The following ATP8A2 variants were observed in gnomAD, a reference collection of about 807,000 sequenced individuals.
The protein encoded by ATP8A2 is ATPase phospholipid transporting 8A2.
In ATP8A2, 100 loss-of-function variants were observed where a neutral mutation model predicts 165.6. The ratio of observed to expected loss-of-function variants is 0.60; its 90% CI spans 0.51 to 0.71. The LOEUF is 0.71. Ranked by LOEUF, ATP8A2 falls within the 30% of genes least tolerant of loss-of-function variation. The pLI is 0.00. For synonymous variants in ATP8A2, 543 were observed against 548.8 expected (o/e 0.99, Z 0.15); for missense variants, 1,227 against 1,479.5 (o/e 0.83, Z 2.80).
intron 24 of ATP8A2, among the ~76,000 whole-genome samples, chr13:25,635,016 A>G (rs1018711891): frequency 6.6e-6 from 1 of 152,194 alleles, no homozygotes; most frequent in African/African-American, 2.4e-5. Flanking sequence ...AATTTTAAAA[A>G]GTAAAGGGGA....
chr13:25,652,075 A>G (rs1414199741), intron 24 of ATP8A2, among the ~76,000 whole-genome samples: 1 of 152,178 alleles, frequency 6.6e-6, no homozygotes, highest in African/African-American at 2.4e-5. Context: ...TTCCAGCTTT[A>G]TGATAGAATC....
intron 27 of ATP8A2, among the ~76,000 whole-genome samples, chr13:25,793,689 T>C (rs1455702230): frequency 6.6e-6 from 1 of 152,004 alleles, no homozygotes; most frequent in African/African-American, 2.4e-5. Context: ...TGGAAAAAAC[T>C]GTTGTTGGTA....
At chr13:25,961,470 C>A in intron 33 of ATP8A2, 105 bp from the exon 34 acceptor site, 1 of 917,470 alleles carries the variant, frequency 1.1e-6, no homozygotes, top group Non-Finnish European at 1.7e-6. Context: ...GCATTTAGTG[C>A]GGTCTGTTGT....
intron 24 of ATP8A2, among the ~76,000 whole-genome samples, chr13:25,635,062 A>G (rs1356033202): frequency 2.0e-5 from 3 of 152,188 alleles, no homozygotes; most frequent in Non-Finnish European, 4.4e-5. Flanking sequence ...GTGCTGTTTC[A>G]GTGTCAGCAC....
intron 28 of ATP8A2, among the ~76,000 whole-genome samples, chr13:25,835,322 T>C (rs530039318): frequency 7.2e-5 from 11 of 152,160 alleles, no homozygotes; most frequent in African/African-American, 2.4e-4. Context: ...CTCCTTGAAG[T>C]CTTTGTAGCA....
intron 24 of ATP8A2, among the ~76,000 whole-genome samples, chr13:25,602,005 AT>A (rs199824290): frequency 0.015 from 2,209 of 151,112 alleles, 24 homozygotes; most frequent in Non-Finnish European, 0.02. Context: ...GAAACTTTCT[AT>A]TTTTTTTTCC....
At chr13:25,625,289 A>G (rs1440465996) in intron 24 of ATP8A2, among the ~76,000 whole-genome samples, 1 of 152,232 alleles carries the variant, frequency 6.6e-6, no homozygotes, top group Non-Finnish European at 1.5e-5. Context: ...GAACAAATGC[A>G]GTTTTTGAAA....
At chr13:25,634,154 G>A (rs59586132) in intron 24 of ATP8A2, among the ~76,000 whole-genome samples, 5,262 of 152,192 alleles carry the variant, frequency 0.035, 155 homozygotes, top group East Asian at 0.13. Context: ...ACTCAGTCAA[G>A]CTTGACACAG....
intron 2 of ATP8A2, among the ~76,000 whole-genome samples, chr13:25,489,577 C>T (rs781426992): frequency 3.4e-4 from 52 of 152,106 alleles, no homozygotes; most frequent in South Asian, 1.2e-3. Flanking sequence ...TGTTTCCCCT[C>T]GCATCCTCCC....
Position 25,866,549 on chromosome 13 carries a change from CTGG to C in ATP8A2, c.3183+4142_3183+4144del, listed in dbSNP as rs1183799362. ...TATTGACCACCTGCATCCAAATCAT[CTGG>C]GTTGCTTGTCAAAATGACAACCCCC... On this transcript the variant is annotated intron_variant, in intron 33 of 36. Transcript: ENST00000381655. Among the ~76,000 whole-genome samples, 15 of 152,150 alleles carry C rather than the reference CTGG, an allele frequency of 9.9e-5. No individual in the cohort carries two copies. In the South Asian group the frequency reaches 1.7e-3, roughly 17 times the overall value.
In ATP8A2 at chr13:25,699,403, A is replaced by G. The variant is rs1398010160; in HGVS notation, c.2384+58A>G. On this transcript the variant is annotated intron_variant, in intron 25 of 36. Transcript: ENST00000381655. ...TCTGCTGTGTCTGTATCCCGTGCTT[A>G]TACAAAAGAAAGGGATGCATGGGAA... The G allele has an allele frequency of 4.7e-6, 6 of 1,284,670 alleles. No individual in the cohort carries two copies. In the East Asian group the frequency reaches 1.6e-4, roughly 34 times the overall value. 79.6% of individuals were successfully genotyped at this position (1,284,670 alleles called of 1,614,324 possible). A position where few individuals can be genotyped will look rare whatever the true frequency, so the allele number is the denominator to read the frequency against.
intron 27 of ATP8A2, among the ~76,000 whole-genome samples, chr13:25,813,919 A>G (rs76566399): frequency 0.022 from 3,276 of 152,276 alleles, 109 homozygotes; most frequent in African/African-American, 0.075. Context: ...CCTCCTGCCT[A>G]GCTGCCTTCA....
Position 25,828,341 on chromosome 13 carries a change from G to A in ATP8A2, c.2754+149G>A, listed in dbSNP as rs1285971602. 5.7e-6 allele frequency: 4 copies of A among 706,338 alleles called. No individual in the cohort carries two copies. The Admixed American group carries it at 7.2e-5, about 13-fold the overall frequency. 43.8% of individuals were successfully genotyped at this position (706,338 alleles called of 1,614,324 possible). On this transcript the variant is annotated intron_variant, in intron 28 of 36. Coordinates refer to ENST00000381655, the MANE Select transcript of ATP8A2 (RefSeq NM_016529.6). ...ATACATCTTTGGGCCCTTTGTTGCT[G>A]TGAAACATCCTGCAGAAGCCCAAAC... is the stretch of plus-strand genomic sequence containing the variant.
chr13:25,979,634 G>A (rs1473726028), intron 35 of ATP8A2, among the ~76,000 whole-genome samples: 2 of 152,188 alleles, frequency 1.3e-5, no homozygotes, highest in African/African-American at 2.4e-5. Context: ...AATGTGGGGC[G>A]AGTCATTTAT....
At chr13:25,490,733 T>TTTTGTTTG (rs1205914598) in intron 2 of ATP8A2, among the ~76,000 whole-genome samples, 163 of 136,106 alleles carry the variant, frequency 1.2e-3, no homozygotes, top group African/African-American at 4.5e-3. Flanking sequence ...TTTGTTTTTT[T>TTTTGTTTG]TTTGTTTGTT....
chr13:25,951,014 C>T (rs578112617), intron 33 of ATP8A2, among the ~76,000 whole-genome samples: 17 of 152,112 alleles, frequency 1.1e-4, no homozygotes, highest in East Asian at 1.9e-4. Flanking sequence ...GTGGAGCAAC[C>T]GGAATGCGCC....
In ATP8A2 at chr13:25,564,013, G is replaced by C; in HGVS notation, c.1455G>C (p.Lys485Asn). The C allele has an allele frequency of 2.5e-6, 4 of 1,612,832 alleles. No homozygotes were observed. Among genetic ancestry groups the C allele is most frequent in the Non-Finnish European group, 3.4e-6 (4 of 1,178,864 alleles). Residue 485 changes from lysine to asparagine, a missense_variant, in exon 16 of 37, where the codon AAG (lysine) becomes AAC (asparagine). This residue lies in a region of ATP8A2 where 592 missense variants were observed against 785.6 expected (regional missense o/e 0.75). Transcript: ENST00000381655. Reference sequence around the variant, plus strand: ...ACTTTGATGACCCCAGGCTGTTGAAGAACATTGAGGATCGCCATGTAAGTG... The same window carrying C: ...ACTTTGATGACCCCAGGCTGTTGAACAACATTGAGGATCGCCATGTAAGTG... Reference protein sequence around the residue: ...SCDFDDPRLLKNIEDRHPTAP... With the variant: ...SCDFDDPRLLNNIEDRHPTAP...
At chr13:25,681,800 C>A (rs2042493777) in intron 24 of ATP8A2, among the ~76,000 whole-genome samples, 1 of 152,168 alleles carries the variant, frequency 6.6e-6, no homozygotes, top group South Asian at 2.1e-4. Flanking sequence ...TGAAAATGAT[C>A]ATCTTAGATG....
At chr13:25,988,387 C>T (rs1259616695) in intron 35 of ATP8A2, among the ~76,000 whole-genome samples, 1 of 152,222 alleles carries the variant, frequency 6.6e-6, no homozygotes, top group Admixed American at 6.5e-5. Flanking sequence ...AGCCTCCAAC[C>T]TACAATACCA....
Sources: gnomAD v4.1 joint callset for allele counts (sites outside exome capture counted in the v4.1 genomes callset) on GRCh38, gnomAD v4.1.1 for gene constraint, gnomAD v4.1.1 regional missense constraint, MANE v1.5 for transcripts, NCBI Gene and HGNC (gene_info 2026-07-23, HGNC 2026-07-21) for gene names.